Variants in MEPE observed in about 807,000 individuals in gnomAD.
MEPE encodes the protein matrix, extracellular phosphoglycoprotein with ASARM motif (bone).
MEPE carries 7 observed loss-of-function variants against 7.3 expected under a neutral mutation model. That is an observed-to-expected ratio of 0.95 (90% CI 0.54 to 1.79). The LOEUF (loss-of-function observed/expected upper bound fraction) is 1.79. Ranked by LOEUF, MEPE falls within the 40% of genes most tolerant of loss-of-function variation. The pLI is 0.00. For missense variants in MEPE, 623 were observed against 628.2 expected (o/e 0.99, Z 0.09); for synonymous variants, 214 against 213.1 (o/e 1.00, Z -0.04).
upstream of MEPE, among the ~76,000 whole-genome samples, chr4:87,829,033 T>C (rs532702176): frequency 1.3e-5 from 2 of 152,286 alleles, no homozygotes; most frequent in Non-Finnish European, 1.5e-5. Context: ...CTCTCTATTA[T>C]ACAATAACCT....
intron 1 of MEPE, among the ~76,000 whole-genome samples, chr4:87,823,733 G>T (rs1292878137): frequency 6.6e-6 from 1 of 152,096 alleles, no homozygotes; most frequent in African/African-American, 2.4e-5. Flanking sequence ...GGAAGTGTGA[G>T]AAAGGCAGAA....
At chr4:87,822,182 CCACTCAA>C (rs1722354373) in intron 1 of MEPE, among the ~76,000 whole-genome samples, 1 of 152,174 alleles carries the variant, frequency 6.6e-6, no homozygotes, top group African/African-American at 2.4e-5. Flanking sequence ...AGTAGAACTT[CCACTCAA>C]CACTCAGTGC....
upstream of MEPE, among the ~76,000 whole-genome samples, chr4:87,831,893 C>T (rs1585616): frequency 0.89 from 135,325 of 151,990 alleles, 60,305 homozygotes; most frequent in Admixed American, 0.93. Flanking sequence ...TGGCTGCAGG[C>T]TTATCTGAGT....
chr4:87,844,058 C>T (rs1180791326), intron 3 of MEPE, among the ~76,000 whole-genome samples: 1 of 152,312 alleles, frequency 6.6e-6, no homozygotes, highest in Non-Finnish European at 1.5e-5. Context: ...ATTTAGACTT[C>T]TCCCTGTTTG....
chr4:87,845,362 G>C lies in MEPE; in HGVS notation c.494G>C (p.Gly165Ala). The change falls in exon 4 of 4, where the codon GGG becomes GCG. Residue 165 changes from glycine to alanine, a missense_variant. Coordinates refer to ENST00000361056, the MANE Select transcript of MEPE (RefSeq NM_020203.6). ...MGPVTAIKLL[G>A]EENKENTPRN... The stretch of plus-strand genomic sequence containing the variant: ...CCAGTGACTGCGATTAAACTCCTGG[G>C]GGAAGAAAACAAAGAGAACACACCT... The C allele has an allele frequency of 3.1e-6, 5 of 1,613,826 alleles. No individual in the cohort carries two copies. The South Asian group carries it at 5.5e-5, about 18-fold the overall frequency.
intron 1 of MEPE, among the ~76,000 whole-genome samples, chr4:87,827,036 C>A (rs1722487388): frequency 6.6e-6 from 1 of 152,110 alleles, no homozygotes; most frequent in Non-Finnish European, 1.5e-5. Flanking sequence ...CATTTTAAAT[C>A]CTGAGCTACC....
At chr4:87,832,474 A>T (rs1380843070), upstream of MEPE, among the ~76,000 whole-genome samples, 2 of 152,108 alleles carry the variant, frequency 1.3e-5, no homozygotes, top group African/African-American at 2.4e-5. Context: ...CTTGTTTATT[A>T]TCTGTCTCCC....
At chr4:87,840,051 T>C (rs753202610) in intron 3 of MEPE, 281 of 1,534,984 alleles carry the variant, frequency 1.8e-4, no homozygotes, top group Middle Eastern at 6.7e-4. Flanking sequence ...CTCATGGACC[T>C]CAGGTGCCCA....
intron 2 of MEPE, 152 bp from the exon 3 acceptor site, chr4:87,838,480 C>A: frequency 1.5e-6 from 1 of 652,368 alleles, no homozygotes; most frequent in Non-Finnish European, 2.7e-6. Flanking sequence ...TATATTAATG[C>A]GATGAGTGTG....
At chr4:87,834,846 T>G (rs1277058903) in intron 2 of MEPE, 78 bp downstream of exon 2, 4 of 1,226,152 alleles carry the variant, frequency 3.3e-6, no homozygotes, top group Non-Finnish European at 4.7e-6. Flanking sequence ...GCAACGTCTA[T>G]TTAAATTAGT....
intron 2 of MEPE, among the ~76,000 whole-genome samples, chr4:87,835,240 C>A (rs1030733617): frequency 3.9e-5 from 6 of 152,310 alleles, no homozygotes; most frequent in Middle Eastern, 3.4e-3. Context: ...ACTGTGGGAT[C>A]CTACTTGTGA....
chr4:87,830,716 CCT>C (rs1387065085), upstream of MEPE, among the ~76,000 whole-genome samples: 1 of 151,712 alleles, frequency 6.6e-6, no homozygotes. Context: ...TTCACATGTA[CCT>C]CCAAACCTAA....
intron 1 of MEPE, among the ~76,000 whole-genome samples, chr4:87,822,648 G>A (rs1722364453): frequency 6.6e-6 from 1 of 152,206 alleles, no homozygotes; most frequent in Non-Finnish European, 1.5e-5. Context: ...ACAGGTGGTA[G>A]GTCGTTCTGC....
chr4:87,834,683 ATAT>A lies in MEPE; in HGVS notation c.-12-18_-12-16del. 1.9e-6 allele frequency: 3 copies of A among 1,601,602 alleles called. No individual in the cohort carries two copies. Among genetic ancestry groups the A allele is most frequent in the Non-Finnish European group, 2.6e-6 (3 of 1,171,134 alleles). On this transcript the variant is annotated splice_polypyrimidine_tract_variant and intron_variant, in intron 1 of 3. Coordinates refer to ENST00000361056, the MANE Select transcript of MEPE (RefSeq NM_020203.6). The stretch of plus-strand genomic sequence containing the variant: ...ATAACTGGCAATGCTTTGTGGTAAG[ATAT>A]TGTTGTCTTTTTACAGAGATTCTCA...
intron 1 of MEPE, among the ~76,000 whole-genome samples, chr4:87,825,474 A>C (rs1033214572): frequency 8.5e-5 from 13 of 152,260 alleles, no homozygotes; most frequent in Admixed American, 7.8e-4. Flanking sequence ...CCATTCCTCA[A>C]GCTATTCTGC....
chr4:87,843,434 A>G (rs1327715515), intron 3 of MEPE, among the ~76,000 whole-genome samples: 1 of 152,122 alleles, frequency 6.6e-6, no homozygotes, highest in Non-Finnish European at 1.5e-5. Flanking sequence ...TTGCCAATAA[A>G]TATCACCAGA....
intron 1 of MEPE, among the ~76,000 whole-genome samples, chr4:87,824,962 C>T (rs1273739163): frequency 2.0e-5 from 3 of 152,162 alleles, no homozygotes; most frequent in African/African-American, 7.2e-5. Flanking sequence ...ATCCTCCTGC[C>T]TCAGCGGCCC....
chr4:87,833,234 CT>C (rs202066459), intron 1 of MEPE, among the ~76,000 whole-genome samples: 1 of 151,336 alleles, frequency 6.6e-6, no homozygotes, highest in Middle Eastern at 3.4e-3. Context: ...GCAACTTTCT[CT>C]TTTTTTTTGT....
chr4:87,821,434 G>T (rs560163889), exon 1 of MEPE: 1 of 152,080 alleles, frequency 6.6e-6, no homozygotes, highest in Non-Finnish European at 1.5e-5. Context: ...CTGGCCTGCC[G>T]GCAGCTATCC....
Sources: gnomAD v4.1 joint callset for allele counts (sites outside exome capture counted in the v4.1 genomes callset) on GRCh38, gnomAD v4.1.1 for gene constraint, MANE v1.5 for transcripts, NCBI Gene and HGNC (gene_info 2026-07-23, HGNC 2026-07-21) for gene names.